PAK5: variants seen among roughly 807,000 people sequenced by gnomAD.
PAK5 encodes serine/threonine-protein kinase PAK 5.
A neutral mutation model predicts 65.9 loss-of-function variants in PAK5; 16 were observed. The ratio of observed to expected loss-of-function variants is 0.24; its 90% CI spans 0.16 to 0.37. The LOEUF (loss-of-function observed/expected upper bound fraction) is 0.37, where lower values mean the gene tolerates loss of function less well. PAK5 is among the 10% of genes least tolerant of loss of function. The pLI, the probability that PAK5 is intolerant of heterozygous loss-of-function variation, is 1.00. For missense variants in PAK5, 785 were observed against 903.9 expected (o/e 0.87, Z 1.69); for synonymous variants, 371 against 354.9 (o/e 1.05, Z -0.51).
At position 9,823,945 on chromosome 20, in the gene PAK5, C is replaced by T. The variant is rs569101655; in HGVS notation, c.-162+14817G>A. ...AATCAATAGAGCAAGGCAGCACAAT[C>T]TGCTATTTACTAGCCATAAAATGGG... On this transcript the variant is annotated intron_variant, in intron 1 of 9. Coordinates refer to ENST00000353224, the MANE Select transcript of PAK5 (RefSeq NM_177990.4). 3.3e-5 allele frequency among the ~76,000 whole-genome samples: 5 copies of T among 152,286 alleles called. No individual in the cohort carries two copies. The South Asian group carries it at 1.0e-3, about 32-fold the overall frequency.
At chr20:9,541,933 C>T (rs527936498) in intron 9 of PAK5, among the ~76,000 whole-genome samples, 2 of 152,316 alleles carry the variant, frequency 1.3e-5, no homozygotes, top group South Asian at 2.1e-4. Context: ...GCTTCCCCTT[C>T]GCCTTCTGCC....
chr20:9,681,964 G>A (rs532862932), intron 2 of PAK5, among the ~76,000 whole-genome samples: 1 of 152,278 alleles, frequency 6.6e-6, no homozygotes, highest in South Asian at 2.1e-4. Context: ...ACCTAAAGAT[G>A]TAATTCTATT....
At chr20:9,780,491 C>T (rs556949629) in intron 1 of PAK5, among the ~76,000 whole-genome samples, 1 of 152,070 alleles carries the variant, frequency 6.6e-6, no homozygotes, top group Non-Finnish European at 1.5e-5. Flanking sequence ...GATGTTTATA[C>T]CATGCACATC....
At chr20:9,810,494 C>A (rs1038232995) in intron 1 of PAK5, among the ~76,000 whole-genome samples, 1 of 152,072 alleles carries the variant, frequency 6.6e-6, no homozygotes, top group Non-Finnish European at 1.5e-5. Context: ...TGCAGTGAGC[C>A]GTGATCACAA....
At chr20:9,621,387 G>A (rs1202483954) in intron 3 of PAK5, among the ~76,000 whole-genome samples, 3 of 137,618 alleles carry the variant, frequency 2.2e-5, no homozygotes, top group Non-Finnish European at 4.6e-5. Flanking sequence ...ATGTCATTAA[G>A]TTCAGGGCAG....
chr20:9,629,127 A>G (rs1271115721), intron 3 of PAK5, among the ~76,000 whole-genome samples: 1 of 152,024 alleles, frequency 6.6e-6, no homozygotes, highest in Non-Finnish European at 1.5e-5. Context: ...TCTGGATGGG[A>G]AGGCAGTGGG....
intron 2 of PAK5, among the ~76,000 whole-genome samples, chr20:9,672,464 T>A (rs974516629): frequency 3.4e-4 from 52 of 151,544 alleles, no homozygotes; most frequent in Non-Finnish European, 6.5e-4. Flanking sequence ...GGGGTGGGTC[T>A]TTCCTGTGCT....
intron 2 of PAK5, among the ~76,000 whole-genome samples, chr20:9,690,553 C>T (rs894914920): frequency 6.6e-6 from 1 of 151,746 alleles, no homozygotes; most frequent in African/African-American, 2.4e-5. Flanking sequence ...GGCAACTGGG[C>T]CTCAATCCTG....
At chr20:9,717,529 A>G (rs1342361332) in intron 1 of PAK5, among the ~76,000 whole-genome samples, 1 of 152,252 alleles carries the variant, frequency 6.6e-6, no homozygotes, top group East Asian at 1.9e-4. Flanking sequence ...ATAAAGAAAC[A>G]AACAAGCAAA....
At chr20:9,553,294 G>A (rs1002114888) in intron 7 of PAK5, among the ~76,000 whole-genome samples, 3 of 152,070 alleles carry the variant, frequency 2.0e-5, no homozygotes, top group South Asian at 2.1e-4. Context: ...GAGTTACTAC[G>A]GTGGGCAACT....
rs1244383794 is a variant in PAK5 at position 9,537,784 on chromosome 20, T to A, written c.*1678A>T. 4.5e-6 allele frequency: 1 copy of A among 222,148 alleles called. No individual in the cohort carries two copies. The highest frequency in any genetic ancestry group is 9.0e-6 in the Non-Finnish European group (1 of 111,204). 13.8% of individuals were successfully genotyped at this position (222,148 alleles called of 1,614,324 possible). A position where few individuals can be genotyped will look rare whatever the true frequency, so the allele number is the denominator to read the frequency against. On this transcript the variant is annotated 3_prime_UTR_variant, in exon 10 of 10. Transcript: ENST00000353224. ...CATAAAACATTGATTTGCTGTTTTA[T>A]GAAGCAAAATCATAGATCATATTTA... is the stretch of plus-strand genomic sequence containing the variant.
At chr20:9,825,651 T>C in intron 1 of PAK5, among the ~76,000 whole-genome samples, 1 of 152,202 alleles carries the variant, frequency 6.6e-6, no homozygotes. Context: ...GAAAAAGTAG[T>C]TGCAGCAGCC....
chr20:9,785,965 A>T (rs2048988485), intron 1 of PAK5, among the ~76,000 whole-genome samples: 1 of 152,032 alleles, frequency 6.6e-6, no homozygotes, highest in Non-Finnish European at 1.5e-5. Flanking sequence ...ACACCCAACC[A>T]ATCAGAGGCA....
At chr20:9,552,910 T>C (rs2045451109) in intron 7 of PAK5, among the ~76,000 whole-genome samples, 1 of 151,944 alleles carries the variant, frequency 6.6e-6, no homozygotes, top group African/African-American at 2.4e-5. Context: ...CTGGTAGAGA[T>C]GAGATGGGAC....
chr20:9,814,146 TG>T (rs1393614087), intron 1 of PAK5, among the ~76,000 whole-genome samples: 1 of 151,874 alleles, frequency 6.6e-6, no homozygotes, highest in Non-Finnish European at 1.5e-5. Flanking sequence ...AGGCAGAGAA[TG>T]GTATGAGATG....
intron 2 of PAK5, among the ~76,000 whole-genome samples, chr20:9,653,131 T>C (rs2047222348): frequency 1.3e-5 from 2 of 152,146 alleles, no homozygotes; most frequent in African/African-American, 4.8e-5. Flanking sequence ...AAAGGCACAC[T>C]TTAAGGAAAA....
At chr20:9,690,879 G>A (rs1200316103) in intron 2 of PAK5, among the ~76,000 whole-genome samples, 1 of 149,508 alleles carries the variant, frequency 6.7e-6, no homozygotes, top group South Asian at 2.1e-4. Context: ...TCAGCCTCCC[G>A]AGTAGCTGGG....
chr20:9,570,879 C>T (rs2045769386), intron 4 of PAK5, among the ~76,000 whole-genome samples: 1 of 152,200 alleles, frequency 6.6e-6, no homozygotes, highest in African/African-American at 2.4e-5. Flanking sequence ...CACCTGTCAG[C>T]AGCATTATCA....
chr20:9,558,989 C>T (rs144218873), intron 6 of PAK5, among the ~76,000 whole-genome samples: 48 of 152,246 alleles, frequency 3.2e-4, no homozygotes, highest in African/African-American at 9.4e-4. Flanking sequence ...CCAGAACGCA[C>T]GCTTTCCGAC....
Sources: gnomAD v4.1 joint callset for allele counts (sites outside exome capture counted in the v4.1 genomes callset) on GRCh38, gnomAD v4.1.1 for gene constraint, MANE v1.5 for transcripts, NCBI Gene and HGNC (gene_info 2026-07-23, HGNC 2026-07-21) for gene names.